Variants in ENTHD1 observed in about 807,000 individuals in gnomAD.
ENTHD1 encodes ENTH domain-containing protein 1.
Under a neutral mutation model 39.1 loss-of-function variants are expected in ENTHD1, and 23 were observed. The observed-to-expected ratio is 0.59, with a 90% CI of 0.42 to 0.83. The LOEUF is 0.83. Among genes scored for constraint, ENTHD1 ranks in the 40% least tolerant of loss-of-function variants. ENTHD1 has a pLI of 0.00. For missense variants in ENTHD1, 624 were observed against 705.4 expected, an observed-to-expected ratio of 0.88 and a Z score of 1.31; for synonymous variants, 230 against 258.2, an observed-to-expected ratio of 0.89 and a Z score of 1.05.
chr22:39,875,763 A>C, intron 2 of ENTHD1: 1 of 1,613,366 alleles, frequency 6.2e-7, no homozygotes, highest in Non-Finnish European at 8.5e-7. Flanking sequence ...AAGTTATCCG[A>C]TATTCCAGAA....
intron 3 of ENTHD1, among the ~76,000 whole-genome samples, chr22:39,838,648 T>C (rs1384882323): frequency 5.3e-5 from 8 of 152,132 alleles, no homozygotes; most frequent in Non-Finnish European, 1.2e-4. Context: ...TCTAATAAAA[T>C]TATATTTAAC....
chr22:39,873,018 T>A (rs962244124), intron 2 of ENTHD1, among the ~76,000 whole-genome samples: 1 of 151,722 alleles, frequency 6.6e-6, no homozygotes, highest in Admixed American at 6.6e-5. Flanking sequence ...AGAGACAGGG[T>A]CTCACTATGT....
At chr22:39,809,181 A>G (rs2065666650) in intron 5 of ENTHD1, among the ~76,000 whole-genome samples, 1 of 152,206 alleles carries the variant, frequency 6.6e-6, no homozygotes, top group South Asian at 2.1e-4. Flanking sequence ...ACTGTATGCA[A>G]TGGCTTGAAA....
intron 2 of ENTHD1, 93 bp from the exon 3 acceptor site, chr22:39,862,100 T>C: frequency 1.9e-6 from 2 of 1,058,428 alleles, no homozygotes; most frequent in African/African-American, 3.2e-5. Flanking sequence ...AAAATAAAAA[T>C]CTCAGCAGTG....
intron 5 of ENTHD1, among the ~76,000 whole-genome samples, chr22:39,774,712 T>C (rs1208003520): frequency 6.6e-6 from 1 of 152,228 alleles, no homozygotes; most frequent in African/African-American, 2.4e-5. Flanking sequence ...CATTTACCTC[T>C]CTTGCCTCAT....
chr22:39,875,206 A>C (rs2066277830), intron 2 of ENTHD1: 1 of 823,754 alleles, frequency 1.2e-6, no homozygotes, highest in Admixed American at 4.5e-5. Flanking sequence ...TGTTGAGAGA[A>C]GCCAGAAACT....
chr22:39,805,001 G>A (rs1284952127), intron 5 of ENTHD1, among the ~76,000 whole-genome samples: 4 of 152,142 alleles, frequency 2.6e-5, no homozygotes, highest in African/African-American at 4.8e-5. Context: ...TGTCCCTGGC[G>A]AGGGAGGCCT....
chr22:39,880,544 G>A (rs2066328914), intron 2 of ENTHD1, among the ~76,000 whole-genome samples: 1 of 152,158 alleles, frequency 6.6e-6, no homozygotes, highest in African/African-American at 2.4e-5. Context: ...GGTTGGGGAT[G>A]TTTATAATGG....
rs568021557 is a variant in ENTHD1 at position 39,867,381 on chromosome 22, T to C, written c.350-5374A>G. Among the ~76,000 whole-genome samples, 49 of 152,162 alleles carry C rather than the reference T, an allele frequency of 3.2e-4. No individual in the cohort carries two copies. In the Middle Eastern group the frequency reaches 0.01, roughly 32 times the overall value. ...AAAAATCTTAATACTCCTGTCTCTA[T>C]TCCTGACCTACTGCCCTACCAAAAT... On this transcript the variant is annotated intron_variant, in intron 2 of 6. Coordinates refer to ENST00000325157, the MANE Select transcript of ENTHD1 (RefSeq NM_152512.4). The surrounding 1 kb of genome is among the most constrained non-coding windows in gnomAD (Gnocchi z 4.5).
chr22:39,886,798 A>G (rs1601671477), intron 2 of ENTHD1, among the ~76,000 whole-genome samples: 1 of 152,066 alleles, frequency 6.6e-6, no homozygotes, highest in East Asian at 1.9e-4. Flanking sequence ...TTATTTTATG[A>G]TCTAAATTTT....
At chr22:39,806,750 C>G (rs1000977685) in intron 5 of ENTHD1, among the ~76,000 whole-genome samples, 7 of 152,042 alleles carry the variant, frequency 4.6e-5, no homozygotes, top group Non-Finnish European at 7.3e-5. Context: ...GTCTTCAGAG[C>G]CCAGAGGAGG....
At chr22:39,803,933 A>G (rs762085554) in intron 5 of ENTHD1, among the ~76,000 whole-genome samples, 91 of 151,924 alleles carry the variant, frequency 6.0e-4, no homozygotes, top group Admixed American at 9.2e-4. Flanking sequence ...AGGCTGAAGC[A>G]GGAGGGTCAC....
At chr22:39,872,046 A>T (rs1239809386) in intron 2 of ENTHD1, among the ~76,000 whole-genome samples, 1 of 152,228 alleles carries the variant, frequency 6.6e-6, no homozygotes, top group Admixed American at 6.5e-5. Flanking sequence ...ACCATCATAT[A>T]TTAGGTGGGT....
chr22:39,882,108 G>GT (rs2066343212), intron 2 of ENTHD1, among the ~76,000 whole-genome samples: 1 of 151,802 alleles, frequency 6.6e-6, no homozygotes, highest in Non-Finnish European at 1.5e-5. Context: ...TTTCTTTCTT[G>GT]TTTTTTTCTA....
chr22:39,849,179 C>G (rs2066015431), intron 3 of ENTHD1, among the ~76,000 whole-genome samples: 1 of 152,150 alleles, frequency 6.6e-6, no homozygotes, highest in Non-Finnish European at 1.5e-5. Context: ...TACTCTTGAA[C>G]TTTTGATTCT....
chr22:39,796,348 C>G (rs1276940845), intron 5 of ENTHD1, among the ~76,000 whole-genome samples: 1 of 152,088 alleles, frequency 6.6e-6, no homozygotes, highest in Non-Finnish European at 1.5e-5. Flanking sequence ...ACGTGGCTCA[C>G]TGCAGCCTCA....
At chr22:39,751,682 GA>G (rs1305335129) in intron 6 of ENTHD1, among the ~76,000 whole-genome samples, 1 of 152,168 alleles carries the variant, frequency 6.6e-6, no homozygotes, top group African/African-American at 2.4e-5. Flanking sequence ...GATTTTCAAA[GA>G]GGATAAAATT....
chr22:39,831,838 C>CA (rs988671570), intron 4 of ENTHD1, among the ~76,000 whole-genome samples: 75 of 151,986 alleles, frequency 4.9e-4, no homozygotes, highest in African/African-American at 1.5e-3. Context: ...AAAAACAAAA[C>CA]AAACAAACAA....
chr22:39,826,081 C>T (rs2065824257), intron 4 of ENTHD1, among the ~76,000 whole-genome samples: 1 of 152,194 alleles, frequency 6.6e-6, no homozygotes, highest in Admixed American at 6.5e-5. Context: ...CATGGTTTCA[C>T]CATGTTGGCC....
Sources: allele counts gnomAD v4.1 joint callset (sites outside exome capture counted in the v4.1 genomes callset), GRCh38; gene constraint gnomAD v4.1.1; non-coding constraint Gnocchi (gnomAD v3.1); transcripts MANE v1.5; gene names NCBI Gene and HGNC (gene_info 2026-07-23, HGNC 2026-07-21).